AHCY: variants seen among roughly 807,000 people sequenced by gnomAD.
The protein encoded by AHCY is S-adenosyl-L-homocysteine hydrolase.
In AHCY, 24 loss-of-function variants were observed where a neutral mutation model predicts 45.4. The ratio of observed to expected loss-of-function variants is 0.53; its 90% confidence interval spans 0.38 to 0.74. AHCY has a LOEUF of 0.74. Among genes scored for constraint, AHCY ranks in the 30% least tolerant of loss-of-function variants. AHCY has a pLI of 0.00. For synonymous variants in AHCY, 245 were observed against 235.1 expected, an observed-to-expected ratio of 1.04 and a Z score of -0.39; for missense variants, 449 against 594.1, an observed-to-expected ratio of 0.76 and a Z score of 2.54.
At chr20:34,260,436 A>G in the AHCY span, 15 of 1,613,920 alleles carry the variant, frequency 9.3e-6, no homozygotes, top group Middle Eastern at 1.6e-4. Context: ...TTCACTGCCA[A>G]CAGCCACCTG....
the AHCY span, among the ~76,000 whole-genome samples, chr20:34,251,658 T>A: frequency 6.6e-6 from 1 of 152,298 alleles, no homozygotes; most frequent in African/African-American, 2.4e-5. Flanking sequence ...ATGTTCTGAA[T>A]GTTTATGCCC....
At chr20:34,306,126 G>T, upstream of AHCY, among the ~76,000 whole-genome samples, 1 of 150,360 alleles carries the variant, frequency 6.7e-6, no homozygotes. Context: ...GAATTTACAT[G>T]CCCTCTCATT....
chr20:34,260,466 G>A, the AHCY span: 21 of 1,613,984 alleles, frequency 1.3e-5, no homozygotes, highest in African/African-American at 2.7e-5. Flanking sequence ...GAGAAGCTCC[G>A]AGATGACAGG....
upstream of AHCY, among the ~76,000 whole-genome samples, chr20:34,305,273 G>C (rs528436933): frequency 1.3e-4 from 20 of 152,072 alleles, no homozygotes; most frequent in South Asian, 8.3e-4. Context: ...GCAGTGAGCC[G>C]AGATCGCACC....
chr20:34,254,299 G>T, the AHCY span, among the ~76,000 whole-genome samples: 1 of 152,332 alleles, frequency 6.6e-6, no homozygotes, highest in East Asian at 1.9e-4. Context: ...CTGACCTCAG[G>T]TGATCCACCT....
chr20:34,269,961 A>C, the AHCY span, among the ~76,000 whole-genome samples: 13 of 146,020 alleles, frequency 8.9e-5, no homozygotes, highest in African/African-American at 3.0e-4. Context: ...AAAAAAAAAA[A>C]AAAAAAAAAA....
chr20:34,273,611 T>C, the AHCY span, among the ~76,000 whole-genome samples: 3 of 152,188 alleles, frequency 2.0e-5, no homozygotes, highest in African/African-American at 7.2e-5. Context: ...GTAGGAACTT[T>C]AGAAAGAAAT....
chr20:34,262,741 G>A, the AHCY span: 1 of 1,440,678 alleles, frequency 6.9e-7, no homozygotes, highest in Non-Finnish European at 9.7e-7. Context: ...CTGACCTTGT[G>A]ACTTCCCAAG....
At chr20:34,276,218 G>C (rs971790234), downstream of AHCY, among the ~76,000 whole-genome samples, 3 of 152,206 alleles carry the variant, frequency 2.0e-5, no homozygotes, top group African/African-American at 7.2e-5. Flanking sequence ...TGGGGACGTT[G>C]TTAAAATGCA....
intron 9 of AHCY, among the ~76,000 whole-genome samples, chr20:34,282,179 T>C (rs1394147972): frequency 6.6e-6 from 1 of 152,206 alleles, no homozygotes; most frequent in East Asian, 1.9e-4. Flanking sequence ...GGACACAAGT[T>C]CATAGAGACC....
At chr20:34,297,391 C>T (rs1418220952) in intron 1 of AHCY, among the ~76,000 whole-genome samples, 4 of 151,938 alleles carry the variant, frequency 2.6e-5, no homozygotes, top group Admixed American at 6.6e-5. Context: ...TCTCAGGTCC[C>T]GGTTCAAGCA....
At chr20:34,272,415 A>C in the AHCY span, among the ~76,000 whole-genome samples, 1 of 152,074 alleles carries the variant, frequency 6.6e-6, no homozygotes, top group East Asian at 1.9e-4. Context: ...CAATTCCAAC[A>C]CTATCTACTT....
rs2035958968 is a variant in AHCY, at chr20:34,280,274, G to C, written c.*760C>G. On this transcript the variant is annotated 3_prime_UTR_variant, in exon 10 of 10. Transcript: ENST00000217426. Reference sequence around the variant, plus strand: ...AAATAAAGGCTCAAAATTCTTCCAGGCACCAAGATTTTTATTTACCCACCT... The same window carrying C: ...AAATAAAGGCTCAAAATTCTTCCAGCCACCAAGATTTTTATTTACCCACCT... 1 of 152,204 alleles carries C rather than the reference G, an allele frequency of 6.6e-6. No individual in the cohort carries two copies. Among genetic ancestry groups the C allele is most frequent in the African/African-American group, 2.4e-5 (1 of 41,412 alleles). 9.4% of individuals were successfully genotyped at this position (152,204 alleles called of 1,614,324 possible). A position where few individuals can be genotyped will look rare whatever the true frequency, so the allele number is the denominator to read the frequency against.
chr20:34,259,768 C>A, the AHCY span, among the ~76,000 whole-genome samples: 2 of 151,812 alleles, frequency 1.3e-5, no homozygotes, highest in African/African-American at 4.8e-5. Context: ...AAAAATCCAG[C>A]TAGCAAATAA....
chr20:34,288,832 G>GA (rs1164910641), intron 8 of AHCY, among the ~76,000 whole-genome samples: 3 of 151,966 alleles, frequency 2.0e-5, no homozygotes, highest in Non-Finnish European at 2.9e-5. Context: ...TATAATCAGA[G>GA]AAAAAAATAA....
At chr20:34,279,109 CAAAAAAAAAAAAAA>C (rs11467322), downstream of AHCY, among the ~76,000 whole-genome samples, 1 of 55,634 alleles carries the variant, frequency 1.8e-5, no homozygotes. Context: ...GACTCCGTCT[CAAAAAAAAAAAAAA>C]AAAAAAAAAG....
intron 1 of AHCY, chr20:34,302,006 G>GTT (rs5841170): frequency 0.15 from 104,386 of 698,224 alleles, 5 homozygotes; most frequent in Non-Finnish European, 0.17. Context: ...TTTTTTGTTT[G>GTT]TTTTTTTTTT....
intron 1 of AHCY, chr20:34,302,914 G>A (rs2036828640): frequency 2.0e-6 from 2 of 985,458 alleles, no homozygotes; most frequent in Non-Finnish European, 2.4e-6. Flanking sequence ...CAGGCCCCCC[G>A]AGCAGGGTCC....
intron 9 of AHCY, among the ~76,000 whole-genome samples, chr20:34,283,305 C>T (rs1046461575): frequency 3.9e-5 from 6 of 152,202 alleles, no homozygotes; most frequent in Admixed American, 3.3e-4. Flanking sequence ...GAGAGCAAGT[C>T]GGTCTCTACA....
Sources: allele counts gnomAD v4.1 joint callset (sites outside exome capture counted in the v4.1 genomes callset), GRCh38; gene constraint gnomAD v4.1.1; transcripts MANE v1.5; gene names NCBI Gene and HGNC (gene_info 2026-07-23, HGNC 2026-07-21).